Variants in PHF14 observed in about 807,000 individuals in gnomAD.
PHF14 encodes the protein PHD finger protein 14.
In PHF14, 55 loss-of-function variants were observed where a neutral mutation model predicts 117.9. The ratio of observed to expected loss-of-function variants is 0.47; its 90% CI spans 0.38 to 0.58. The LOEUF (loss-of-function observed/expected upper bound fraction) is 0.58. Ranked by LOEUF, PHF14 falls within the 20% of genes least tolerant of loss-of-function variation. The probability of loss-of-function intolerance (pLI) is 0.00; values close to 1 mark genes in which losing one functional copy is unlikely to be tolerated. For synonymous variants in PHF14, 409 were observed against 368.6 expected, an observed-to-expected ratio of 1.11 and a Z score of -1.26; for missense variants, 978 against 1,122.2, an observed-to-expected ratio of 0.87 and a Z score of 1.84.
intron 6 of PHF14, among the ~76,000 whole-genome samples, chr7:11,024,058 A>G (rs1783827230): frequency 6.6e-6 from 1 of 152,204 alleles, no homozygotes; most frequent in African/African-American, 2.4e-5. Flanking sequence ...TGAAAGTGCT[A>G]CTCCAGCAAA....
Position 10,990,780 on chromosome 7 carries a change from G to A in PHF14, c.978G>A (p.Leu326=), listed in dbSNP as rs376579519. ...MDHILICCVC[L]GDNSEDADEI... is the part of the protein sequence containing the mutation. ...ATATTCTGATTTGCTGTGTTTGTCT[G>A]GGAGATAATAGTGAGGACGCTGATG... is the stretch of plus-strand genomic sequence containing the variant. The change falls in exon 4 of 18, where the codon CTG becomes CTA. Residue 326 remains leucine, a synonymous_variant. Coordinates refer to ENST00000634607, the MANE Select transcript of PHF14 (RefSeq NM_001007157.2). 68 of 1,584,786 alleles carry A rather than the reference G, an allele frequency of 4.3e-5. 1 individual carries two copies. In the African/African-American group the frequency reaches 8.3e-4, roughly 19 times the overall value.
chr7:11,002,210 T>G (rs1481357268), intron 4 of PHF14, among the ~76,000 whole-genome samples: 1 of 151,994 alleles, frequency 6.6e-6, no homozygotes, highest in African/African-American at 2.4e-5. Flanking sequence ...AGATTCCTCA[T>G]GCAGGAGATG....
intron 5 of PHF14, among the ~76,000 whole-genome samples, chr7:11,018,723 GC>G (rs1265914155): frequency 6.6e-6 from 1 of 152,082 alleles, no homozygotes; most frequent in African/African-American, 2.4e-5. Flanking sequence ...CAATTTGGAT[GC>G]CCTTTTTATC....
chr7:10,978,929 T>A (rs539254528), intron 2 of PHF14, among the ~76,000 whole-genome samples: 1 of 152,178 alleles, frequency 6.6e-6, no homozygotes, highest in African/African-American at 2.4e-5. Context: ...TCAAGACATA[T>A]ACGGTTTTGG....
chr7:11,103,864 ATC>A, intron 16 of PHF14: 1 of 981,490 alleles, frequency 1.0e-6, no homozygotes, highest in South Asian at 4.7e-5. Context: ...TTATTGAAAG[ATC>A]TCATAACATT....
chr7:11,154,774 C>T (rs1788794156), intron 17 of PHF14, among the ~76,000 whole-genome samples: 1 of 152,004 alleles, frequency 6.6e-6, no homozygotes, highest in Non-Finnish European at 1.5e-5. Flanking sequence ...TAATTAATAG[C>T]CTTTTCCTAA....
intron 17 of PHF14, among the ~76,000 whole-genome samples, chr7:11,165,318 G>C (rs1789170320): frequency 6.6e-6 from 1 of 152,128 alleles, no homozygotes; most frequent in South Asian, 2.1e-4. Flanking sequence ...TGTTGGGAAG[G>C]ATACCACAAA....
At chr7:11,001,075 A>T (rs74590765) in intron 4 of PHF14, among the ~76,000 whole-genome samples, 2,276 of 152,226 alleles carry the variant, frequency 0.015, 44 homozygotes, top group African/African-American at 0.052. Flanking sequence ...TTTTGTTACG[A>T]GTATACGGTC....
Position 10,987,782 on chromosome 7 carries a change from C to G in PHF14, c.901-2921C>G, listed in dbSNP as rs74698347. Among the ~76,000 whole-genome samples the G allele has an allele frequency of 3.9e-3, 591 of 152,050 alleles. 4 individuals carry two copies. Among genetic ancestry groups the G allele is most frequent in the African/African-American group, 0.014 (568 of 41,486 alleles). On this transcript the variant is annotated intron_variant, in intron 3 of 17. Coordinates refer to ENST00000634607, the MANE Select transcript of PHF14 (RefSeq NM_001007157.2). ...GATGATATACGTCTTCAGAAATATACTAACAACAGTTGATAATAAATCAGG... is the reference window on the plus strand; with the variant it reads ...GATGATATACGTCTTCAGAAATATAGTAACAACAGTTGATAATAAATCAGG...
intron 4 of PHF14, among the ~76,000 whole-genome samples, chr7:10,992,136 C>G (rs1326459478): frequency 2.0e-5 from 3 of 151,716 alleles, no homozygotes; most frequent in Non-Finnish European, 2.9e-5. Flanking sequence ...TCACTGCAAC[C>G]TCTGCCTCCC....
chr7:11,102,045 G>A (rs1490344201), intron 16 of PHF14, among the ~76,000 whole-genome samples: 1 of 151,782 alleles, frequency 6.6e-6, no homozygotes, highest in Non-Finnish European at 1.5e-5. Flanking sequence ...GTAACACACT[G>A]ATCAGATGTG....
chr7:11,051,882 A>G, intron 14 of PHF14, 102 bp downstream of exon 14: 1 of 908,290 alleles, frequency 1.1e-6, no homozygotes, highest in Non-Finnish European at 1.7e-6. Flanking sequence ...AAGTCAAAGA[A>G]AAAGACATCT....
At chr7:11,037,297 T>C (rs1347497970) in intron 10 of PHF14, among the ~76,000 whole-genome samples, 1 of 152,216 alleles carries the variant, frequency 6.6e-6, no homozygotes, top group African/African-American at 2.4e-5. Flanking sequence ...TTTTGATCTC[T>C]TTACATGTAT....
chr7:11,126,428 C>T (rs969903780), intron 17 of PHF14, among the ~76,000 whole-genome samples: 2 of 152,042 alleles, frequency 1.3e-5, no homozygotes, highest in African/African-American at 4.8e-5. Flanking sequence ...TTCCTTGTGA[C>T]AATGTTGAAG....
At chr7:11,155,831 C>T (rs1034881236) in intron 17 of PHF14, among the ~76,000 whole-genome samples, 2 of 151,638 alleles carry the variant, frequency 1.3e-5, no homozygotes, top group Non-Finnish European at 2.9e-5. Flanking sequence ...GATGTTCAAT[C>T]AGGAAGGAAT....
intron 17 of PHF14, among the ~76,000 whole-genome samples, chr7:11,156,160 C>G (rs1310404121): frequency 1.3e-5 from 2 of 152,070 alleles, no homozygotes; most frequent in African/African-American, 4.8e-5. Context: ...TTAATAAAAG[C>G]AAAGTAGTAG....
At chr7:11,063,005 A>T (rs1785285743) in intron 16 of PHF14, 1 of 802,856 alleles carries the variant, frequency 1.2e-6, no homozygotes, top group African/African-American at 1.9e-5. Flanking sequence ...AAACAAATAT[A>T]TTAGTGTTGT....
At chr7:11,094,377 A>G (rs749337290) in intron 16 of PHF14, among the ~76,000 whole-genome samples, 3 of 152,090 alleles carry the variant, frequency 2.0e-5, no homozygotes, top group Non-Finnish European at 4.4e-5. Context: ...CTAGCACTAG[A>G]GTTGTTCTGC....
intron 17 of PHF14, among the ~76,000 whole-genome samples, chr7:11,123,131 C>T (rs183956553): frequency 1.5e-4 from 23 of 152,136 alleles, no homozygotes; most frequent in Admixed American, 1.4e-3. Context: ...TTTCTCGCTG[C>T]AGTTGATAGC....
Sources: gnomAD v4.1 joint callset for allele counts (sites outside exome capture counted in the v4.1 genomes callset) on GRCh38, gnomAD v4.1.1 for gene constraint, MANE v1.5 for transcripts, NCBI Gene and HGNC (gene_info 2026-07-23, HGNC 2026-07-21) for gene names.